The following ADCY9 variants were observed in gnomAD, a reference collection of about 807,000 sequenced individuals.
ADCY9 encodes the protein adenylate cyclase type 9.
ADCY9 carries 50 observed loss-of-function variants against 101.5 expected under a neutral mutation model. The ratio of observed to expected loss-of-function variants is 0.49; its 90% CI spans 0.39 to 0.62. ADCY9 has a LOEUF of 0.62. Ranked by LOEUF, ADCY9 falls within the 20% of genes least tolerant of loss-of-function variation. The pLI is 0.00. For synonymous variants in ADCY9, 905 were observed against 769.3 expected (o/e 1.18, Z -2.92); for missense variants, 1,662 against 1,800.4 (o/e 0.92, Z 1.39).
rs2056161886 is a variant in ADCY9 at position 3,983,337 on chromosome 16, C to G, written c.2414G>C (p.Cys805Ser). ...GGTGGCCGCCTCGTACTTCAGGAAG[C>G]AGGTGGTGGACAGCGTCAGAAACAC... ...TTVFLTLSTT[C>S]FLKYEAATVP... The change falls in exon 7 of 11, where the codon TGC (cysteine) becomes TCC (serine). Residue 805 changes from cysteine (C) to serine (S), a missense_variant. This residue lies in a region of ADCY9 where 624 missense variants were observed against 639.1 expected (regional missense o/e 0.98). Coordinates refer to ENST00000294016, the MANE Select transcript of ADCY9 (RefSeq NM_001116.4). The G allele has an allele frequency of 6.3e-7, 1 of 1,590,806 alleles. No individual in the cohort carries two copies. Among genetic ancestry groups the G allele is most frequent in the African/African-American group, 1.3e-5 (1 of 74,304 alleles).
intron 2 of ADCY9, among the ~76,000 whole-genome samples, chr16:4,092,404 C>T (rs2056979340): frequency 6.6e-6 from 1 of 152,194 alleles, no homozygotes; most frequent in African/African-American, 2.4e-5. Flanking sequence ...AAAGTCCTTT[C>T]CTGAAATTCT....
In ADCY9 at chr16:4,115,246, C is replaced by G. The variant is rs1189707806; in HGVS notation, c.197G>C (p.Arg66Pro). Residue 66 changes from arginine (R) to proline (P), a missense_variant, in exon 2 of 11, where the codon CGA becomes CCA. Coordinates refer to ENST00000294016, the MANE Select transcript of ADCY9 (RefSeq NM_001116.4). This position sits in a 1 kb window ranked among gnomAD's most constrained non-coding sequence, Gnocchi z 6.2. ...SSGDSGGVPR[R>P]VGGGGRLRRQ... Reference sequence around the variant, plus strand: ...GCGCAGCCGGCCTCCGCCGCCCACTCGCCGGGGGACGCCCCCGGAGTCCCC... The same window carrying G: ...GCGCAGCCGGCCTCCGCCGCCCACTGGCCGGGGGACGCCCCCGGAGTCCCC... 5.6e-6 allele frequency: 9 copies of G among 1,613,254 alleles called. No homozygotes were observed. Among genetic ancestry groups the G allele is most frequent in the Middle Eastern group, 1.7e-4 (1 of 6,044 alleles).
At chr16:4,031,007 A>G (rs1202915814) in intron 2 of ADCY9, among the ~76,000 whole-genome samples, 1 of 151,908 alleles carries the variant, frequency 6.6e-6, no homozygotes, top group African/African-American at 2.4e-5. Context: ...AAAAATGCCA[A>G]TAGCAGTAAA....
intron 3 of ADCY9, 37 bp from the exon 4 acceptor site, chr16:3,993,547 A>G (rs771768400): frequency 1.2e-6 from 2 of 1,605,532 alleles, no homozygotes; most frequent in African/African-American, 2.7e-5. Flanking sequence ...ACACACCCAG[A>G]AACCGCGACT....
At chr16:3,999,044 T>G (rs2056311875) in intron 3 of ADCY9, among the ~76,000 whole-genome samples, 1 of 152,130 alleles carries the variant, frequency 6.6e-6, no homozygotes, top group Admixed American at 6.5e-5. Context: ...TACAGATGCC[T>G]CTGTGAAATG....
At chr16:3,990,010 C>T (rs918197891) in intron 5 of ADCY9, among the ~76,000 whole-genome samples, 2 of 152,176 alleles carry the variant, frequency 1.3e-5, no homozygotes, top group Non-Finnish European at 2.9e-5. Flanking sequence ...AAATCAACCC[C>T]GCTTTCCATG....
At position 3,966,885 on chromosome 16, in the gene ADCY9, G is replaced by T. The variant is rs376833773; in HGVS notation, c.2952C>A (p.Leu984=). ...PASLIGQEVV[L]VFFLLLLLVW... ...CCAACAAGAGCAGGAGAAAGAAGAC[G>T]AGAACCACCTCCTGGCCGATGAGGC... The change falls in exon 11 of 11, where the codon CTC becomes CTA. Residue 984 remains leucine (L), a synonymous_variant. Transcript: ENST00000294016. 143 of 1,614,106 alleles carry T rather than the reference G, an allele frequency of 8.9e-5. No homozygotes were observed. Among genetic ancestry groups the T allele is most frequent in the Non-Finnish European group, 1.1e-4 (132 of 1,180,050 alleles).
chr16:4,026,396 C>T (rs1234143160), intron 2 of ADCY9, among the ~76,000 whole-genome samples: 2 of 145,328 alleles, frequency 1.4e-5, no homozygotes, highest in African/African-American at 5.1e-5. Flanking sequence ...TGCACTCCAG[C>T]CTGAGCCAAC....
chr16:3,997,246 A>T (rs944250345), intron 3 of ADCY9, among the ~76,000 whole-genome samples: 1 of 152,202 alleles, frequency 6.6e-6, no homozygotes, highest in South Asian at 2.1e-4. Flanking sequence ...TTTTCTAAGC[A>T]TTTAGAGCCA....
chr16:3,954,846 G>C (rs1390527619), intron 5 of ADCY9, among the ~76,000 whole-genome samples: 1 of 152,214 alleles, frequency 6.6e-6, no homozygotes, highest in Non-Finnish European at 1.5e-5. Context: ...TGGGAACACA[G>C]CCAACTCTTT....
intron 7 of ADCY9, among the ~76,000 whole-genome samples, chr16:3,981,476 G>A (rs1210425216): frequency 1.3e-5 from 2 of 152,190 alleles, no homozygotes; most frequent in Admixed American, 6.5e-5. Context: ...GGTGATGGAG[G>A]TGCCCGATAG....
Position 4,115,231 on chromosome 16 carries a change from C to A in ADCY9, c.212G>T (p.Gly71Val), listed in dbSNP as rs767980128. Residue 71 changes from glycine (G) to valine (V), a missense_variant, in exon 2 of 11, where the codon GGC becomes GTC. By Grantham distance (109) the Gly-to-Val change is moderately radical. Coordinates refer to ENST00000294016, the MANE Select transcript of ADCY9 (RefSeq NM_001116.4). The surrounding 1 kb of genome is among the most constrained non-coding windows in gnomAD (Gnocchi z 6.2). ...GGVPRRVGGGGRLRRQKKLPQ... is the reference protein window; with the variant it reads ...GGVPRRVGGGVRLRRQKKLPQ... ...CAGCTTCTTCTGCCTGCGCAGCCGG[C>A]CTCCGCCGCCCACTCGCCGGGGGAC... The A allele has an allele frequency of 1.2e-6, 2 of 1,613,226 alleles. No individual in the cohort carries two copies. The highest frequency in any genetic ancestry group is 1.7e-6 in the Non-Finnish European group (2 of 1,179,594).
At position 3,983,457 on chromosome 16, in the gene ADCY9, T is replaced by C. The variant is rs1001583465; in HGVS notation, c.2311-17A>G. 4 of 1,584,994 alleles carry C rather than the reference T, an allele frequency of 2.5e-6. No individual in the cohort carries two copies. The highest frequency in any genetic ancestry group is 2.7e-5 in the African/African-American group (2 of 74,110). On this transcript the variant is annotated splice_polypyrimidine_tract_variant and intron_variant, in intron 6 of 10. Transcript: ENST00000294016. ...CTTTATGACCTGTGTGGAGCAGGAG[T>C]GGAGCAGAATGACTGGGAGGCCATG...
rs144227177 is a variant in ADCY9 at position 3,973,848 on chromosome 16, G to A, written c.2870+821C>T. Among the ~76,000 whole-genome samples the A allele has an allele frequency of 1.4e-4, 22 of 151,932 alleles. No individual in the cohort carries two copies. In the East Asian group the frequency reaches 2.9e-3, roughly 20 times the overall value. On this transcript the variant is annotated intron_variant, in intron 10 of 10. Coordinates refer to ENST00000294016, the MANE Select transcript of ADCY9 (RefSeq NM_001116.4). ...TCCTCTCAAATCTGTCCATCTTTTCGTTGTGGTTCTATTTATTATTTGTAA... is the reference window on the plus strand; with the variant it reads ...TCCTCTCAAATCTGTCCATCTTTTCATTGTGGTTCTATTTATTATTTGTAA...
At chr16:3,977,008 G>A (rs764726188) in intron 9 of ADCY9, among the ~76,000 whole-genome samples, 123 of 152,086 alleles carry the variant, frequency 8.1e-4, no homozygotes, top group Non-Finnish European at 1.5e-3. Context: ...ATCATCCTAC[G>A]TCTTCACCTC....
Position 3,966,674 on chromosome 16 carries a change from C to T in ADCY9, c.3163G>A (p.Asp1055Asn), listed in dbSNP as rs964742894. Residue 1055 changes from aspartate to asparagine, a missense_variant, in exon 11 of 11, where the codon GAC (aspartate) becomes AAC (asparagine). Physicochemically the swap from Asp to Asn is conservative, Grantham distance 23 (BLOSUM62 1). Around this residue, in one of 5 missense-constraint regions of ADCY9, gnomAD observed 220 missense variants for 312.9 expected, o/e 0.70. Coordinates refer to ENST00000294016, the MANE Select transcript of ADCY9 (RefSeq NM_001116.4). Reference protein sequence around the residue: ...KVSQTYSKNHDSGGVIFASIV... With the variant: ...KVSQTYSKNHNSGGVIFASIV... ...CTGGCGAAGATCACCCCTCCGCTGT[C>T]ATGGTTCTTGGAGTAGGTCTGGGAC... 5 of 1,614,018 alleles carry T rather than the reference C, an allele frequency of 3.1e-6. No individual in the cohort carries two copies. Among genetic ancestry groups the T allele is most frequent in the Non-Finnish European group, 4.2e-6 (5 of 1,180,028 alleles).
intron 6 of ADCY9, among the ~76,000 whole-genome samples, chr16:3,984,310 C>T (rs575255113): frequency 5.3e-5 from 8 of 152,194 alleles, no homozygotes; most frequent in Admixed American, 2.0e-4. Flanking sequence ...AAGTGGCCGA[C>T]GGGGATTTAA....
At chr16:4,112,429 A>G (rs2057119816) in intron 2 of ADCY9, among the ~76,000 whole-genome samples, 3 of 152,234 alleles carry the variant, frequency 2.0e-5, no homozygotes, top group African/African-American at 7.2e-5. Context: ...GAGAACAAAT[A>G]CATAAAAGAT....
chr16:3,973,232 A>T (rs1348870297), intron 10 of ADCY9, among the ~76,000 whole-genome samples: 1 of 151,964 alleles, frequency 6.6e-6, no homozygotes, highest in Non-Finnish European at 1.5e-5. Flanking sequence ...TTTTTGAGAC[A>T]GAGTCTCACT....
Sources: allele counts gnomAD v4.1 joint callset (sites outside exome capture counted in the v4.1 genomes callset), GRCh38; gene constraint gnomAD v4.1.1; regional missense constraint gnomAD v4.1.1; non-coding constraint Gnocchi (gnomAD v3.1); transcripts MANE v1.5; gene names NCBI Gene and HGNC (gene_info 2026-07-23, HGNC 2026-07-21).